Variants in LRP1B observed in about 807,000 individuals in gnomAD.
LRP1B encodes low-density lipoprotein receptor-related protein 1B.
In LRP1B, 217 loss-of-function variants were observed where a neutral mutation model predicts 556.6. That is an observed-to-expected ratio of 0.39 (90% CI 0.35 to 0.44). LRP1B has a LOEUF of 0.44. Among genes scored for constraint, LRP1B ranks in the 20% least tolerant of loss-of-function variants. The pLI, the probability that LRP1B is intolerant of heterozygous loss-of-function variation, is 1.00. For missense variants in LRP1B, 5,053 were observed against 5,620.8 expected (o/e 0.90, Z 3.23); for synonymous variants, 2,047 against 1,865.8 (o/e 1.10, Z -2.50).
chr2:141,112,820 AATTG>A (rs1196741005), intron 7 of LRP1B, among the ~76,000 whole-genome samples: 1 of 152,222 alleles, frequency 6.6e-6, no homozygotes, highest in Non-Finnish European at 1.5e-5. Context: ...GAAAAAGGCA[AATTG>A]ATTAATAATC....
intron 7 of LRP1B, among the ~76,000 whole-genome samples, chr2:141,122,463 A>G (rs1034316936): frequency 1.3e-5 from 2 of 152,168 alleles, no homozygotes; most frequent in Non-Finnish European, 2.9e-5. Flanking sequence ...ACTTCTCAAA[A>G]GAAGACATTT....
chr2:140,674,185 G>A (rs1483900105), intron 41 of LRP1B, among the ~76,000 whole-genome samples: 1 of 151,846 alleles, frequency 6.6e-6, no homozygotes, highest in Admixed American at 6.6e-5. Context: ...CCTGCCCTCA[G>A]GTGATCCACC....
At chr2:141,231,140 T>C (rs1412500998) in intron 5 of LRP1B, among the ~76,000 whole-genome samples, 1 of 152,246 alleles carries the variant, frequency 6.6e-6, no homozygotes, top group East Asian at 1.9e-4. Flanking sequence ...GACCATTCTA[T>C]AAGAAACTGA....
intron 2 of LRP1B, chr2:141,805,846 C>A (rs890873263): frequency 4.6e-5 from 7 of 152,208 alleles, no homozygotes; most frequent in African/African-American, 1.7e-4. Context: ...ACAGAAAAAG[C>A]ATGCTGACCC....
At position 141,210,074 on chromosome 2, in the gene LRP1B, A is replaced by G. The variant is rs183174002; in HGVS notation, c.850+19109T>C. 8.6e-5 allele frequency among the ~76,000 whole-genome samples: 13 copies of G among 152,022 alleles called. No individual in the cohort carries two copies. The East Asian group carries it at 2.3e-3, about 27-fold the overall frequency. On this transcript the variant is annotated intron_variant, in intron 6 of 90. Transcript: ENST00000389484. ...GTCACAAGATGTTACAGCCTGAAAA[A>G]AAAAAAGACAACAAGAATCTTAATC...
chr2:140,253,774 G>A lies in LRP1B; in HGVS notation c.13248-6612C>T, dbSNP rs112795559. On this transcript the variant is annotated intron_variant, in intron 86 of 90. Transcript: ENST00000389484. The stretch of plus-strand genomic sequence containing the variant: ...ACATGCATCAACTGAAAAGGAAAAC[G>A]AACTATCATAAAATTAATATTAAGT... 2.6e-5 allele frequency among the ~76,000 whole-genome samples: 4 copies of A among 152,124 alleles called. No individual in the cohort carries two copies. In the South Asian group the frequency reaches 6.2e-4, roughly 24 times the overall value.
At chr2:140,455,934 A>G (rs1202128510) in intron 62 of LRP1B, among the ~76,000 whole-genome samples, 1 of 152,222 alleles carries the variant, frequency 6.6e-6, no homozygotes, top group African/African-American at 2.4e-5. Context: ...TGCAACTACC[A>G]TACAGTAGAC....
chr2:141,445,004 A>T (rs182760653), intron 3 of LRP1B, among the ~76,000 whole-genome samples: 1 of 152,156 alleles, frequency 6.6e-6, no homozygotes, highest in African/African-American at 2.4e-5. Context: ...AAGGAATGGT[A>T]TCAGCTCCTC....
intron 1 of LRP1B, among the ~76,000 whole-genome samples, chr2:141,865,608 GAAAA>G (rs369023076): frequency 7.9e-6 from 1 of 126,990 alleles, no homozygotes. Context: ...AAAAAAAAAA[GAAAA>G]AAAAAAAGAA....
intron 44 of LRP1B, among the ~76,000 whole-genome samples, chr2:140,541,405 C>G (rs1032206947): frequency 6.6e-6 from 1 of 151,982 alleles, no homozygotes; most frequent in Non-Finnish European, 1.5e-5. Context: ...AACTGTTAAG[C>G]CCAGGTGCAA....
Position 141,496,795 on chromosome 2 carries a change from A to G in LRP1B, c.206-16262T>C, listed in dbSNP as rs532240607. 6.6e-5 allele frequency among the ~76,000 whole-genome samples: 10 copies of G among 152,180 alleles called. 1 individual carries two copies. The South Asian group carries it at 2.1e-3, about 32-fold the overall frequency. ...CATGGGTTATGAAGAAGAAAAGAAT[A>G]GAAAAGAAGAACCAGATATAAAATG... On this transcript the variant is annotated intron_variant, in intron 2 of 90. Coordinates refer to ENST00000389484, the MANE Select transcript of LRP1B (RefSeq NM_018557.3).
At chr2:140,803,046 T>C (rs183232234) in intron 32 of LRP1B, among the ~76,000 whole-genome samples, 32 of 152,254 alleles carry the variant, frequency 2.1e-4, no homozygotes, top group Admixed American at 7.2e-4. Flanking sequence ...CAATCCTACA[T>C]GCCTCATGAA....
rs930974288 is a variant in LRP1B at position 140,739,843 on chromosome 2, G to A, written c.5759-23027C>T. Among the ~76,000 whole-genome samples, 5 of 151,950 alleles carry A rather than the reference G, an allele frequency of 3.3e-5. No individual in the cohort carries two copies. In the East Asian group the frequency reaches 9.7e-4, roughly 29 times the overall value. ...ACAAATCAGCAAGAAAAAAACAATTGCACCAAAAAGTGGGCTAAAGACATG... is the reference window on the plus strand; with the variant it reads ...ACAAATCAGCAAGAAAAAAACAATTACACCAAAAAGTGGGCTAAAGACATG... On this transcript the variant is annotated intron_variant, in intron 35 of 90. Transcript: ENST00000389484.
intron 2 of LRP1B, among the ~76,000 whole-genome samples, chr2:141,568,386 C>T (rs2105259109): frequency 6.6e-6 from 1 of 151,120 alleles, no homozygotes. Context: ...ACCTGAGTGC[C>T]TCAAGAAGTA....
chr2:141,682,801 A>G (rs972270623), intron 2 of LRP1B, among the ~76,000 whole-genome samples: 1 of 152,164 alleles, frequency 6.6e-6, no homozygotes, highest in Non-Finnish European at 1.5e-5. Flanking sequence ...TTGAAATACA[A>G]AGAATATTGA....
intron 35 of LRP1B, among the ~76,000 whole-genome samples, chr2:140,743,229 A>G (rs1688198326): frequency 6.6e-6 from 1 of 152,196 alleles, no homozygotes. Flanking sequence ...GCAGCTCTCT[A>G]AACTACTTAG....
At position 140,378,244 on chromosome 2, in the gene LRP1B, C is replaced by G. The variant is rs2105183047; in HGVS notation, c.10574G>C (p.Gly3525Ala). ...CCAAAACCTTGAAGAAACACAGTCC[C>G]CATTGGCACAGAGGAAATCTTTCAA... ...CTLKDFLCAN[G>A]DCVSSRFWCD... is the part of the protein sequence containing the mutation. Residue 3525 changes from glycine (G) to alanine (A), a missense_variant, in exon 68 of 91, where the codon GGG becomes GCG. Gly to Ala is a moderately conservative substitution (Grantham distance 60, BLOSUM62 0). Transcript: ENST00000389484. 1.2e-6 allele frequency: 2 copies of G among 1,613,588 alleles called. No individual in the cohort carries two copies. Among genetic ancestry groups the G allele is most frequent in the South Asian group, 1.1e-5 (1 of 91,066 alleles).
intron 41 of LRP1B, among the ~76,000 whole-genome samples, chr2:140,652,560 C>T (rs1288766723): frequency 6.6e-6 from 1 of 152,002 alleles, no homozygotes; most frequent in East Asian, 1.9e-4. Context: ...AGAAAAGAAT[C>T]ACACTGACTT....
chr2:141,181,070 T>C (rs948467485), intron 7 of LRP1B, among the ~76,000 whole-genome samples: 1 of 151,936 alleles, frequency 6.6e-6, no homozygotes, highest in South Asian at 2.1e-4. Context: ...ATGGTAAAAA[T>C]TGTCTAATTC....
Sources: gnomAD v4.1 joint callset for allele counts (sites outside exome capture counted in the v4.1 genomes callset) on GRCh38, gnomAD v4.1.1 for gene constraint, MANE v1.5 for transcripts, NCBI Gene and HGNC (gene_info 2026-07-23, HGNC 2026-07-21) for gene names.